IL1RAPL1: variants seen among roughly 807,000 people sequenced by gnomAD.
IL1RAPL1 encodes interleukin 1 receptor accessory protein like 1.
In IL1RAPL1, 3 loss-of-function variants were observed where a neutral mutation model predicts 48.4. The ratio of observed to expected loss-of-function variants is 0.06; its 90% CI spans 0.03 to 0.16. IL1RAPL1 has a LOEUF of 0.16. IL1RAPL1 is among the 10% of genes least tolerant of loss of function. The probability of loss-of-function intolerance (pLI) is 1.00; values close to 1 mark genes in which losing one functional copy is unlikely to be tolerated. For synonymous variants in IL1RAPL1, 185 were observed against 187.7 expected, an observed-to-expected ratio of 0.99 and a Z score of 0.12; for missense variants, 349 against 530.6, an observed-to-expected ratio of 0.66 and a Z score of 3.36.
Position 28,746,924 on chromosome X carries a change from C to T in IL1RAPL1, c.-24-42396C>T, listed in dbSNP as rs950083563. Reference sequence around the variant, plus strand: ...ATTTTGCCATTTAATTTATTTATAACGCCATTCTTTTCTTCTAATGCGTTC... The same window carrying T: ...ATTTTGCCATTTAATTTATTTATAATGCCATTCTTTTCTTCTAATGCGTTC... On this transcript the variant is annotated intron_variant, in intron 1 of 10. Transcript: ENST00000378993. Among the ~76,000 whole-genome samples, 7 of 111,103 alleles carry T rather than the reference C, an allele frequency of 6.3e-5. No homozygotes were observed. The East Asian group carries it at 1.1e-3, about 18-fold the overall frequency.
At position 28,810,290 on chromosome X, in the gene IL1RAPL1, A is replaced by G. The variant is rs184673961; in HGVS notation, c.82+20865A>G. On this transcript the variant is annotated intron_variant, in intron 2 of 10. Coordinates refer to ENST00000378993, the MANE Select transcript of IL1RAPL1 (RefSeq NM_014271.4). ...AGATATAAAAAGTAGAGGTTGCAGG[A>G]CAGAACCCTAGGATACTTCAACATT... Among the ~76,000 whole-genome samples, 12 of 110,609 alleles carry G rather than the reference A, an allele frequency of 1.1e-4. No homozygotes were observed. In the East Asian group the frequency reaches 3.4e-3, roughly 31 times the overall value.
chrX:29,899,103 G>T (rs1932447132), intron 6 of IL1RAPL1, among the ~76,000 whole-genome samples: 1 of 107,759 alleles, frequency 9.3e-6, no homozygotes. Flanking sequence ...TAATCAGTCT[G>T]TCTTAGTATT....
intron 2 of IL1RAPL1, among the ~76,000 whole-genome samples, chrX:29,046,698 T>A (rs1441917946): frequency 3.6e-5 from 4 of 111,835 alleles, no homozygotes; most frequent in African/African-American, 1.3e-4. Flanking sequence ...GCACTGTCAG[T>A]TACAGAAATT....
Position 28,780,363 on chromosome X carries a change from G to GTGTGTGTGTGTGTGTC in IL1RAPL1, c.-24-8954_-24-8953insGTGTGTGTGTGTCTGT, listed in dbSNP as rs56989010. Among the ~76,000 whole-genome samples, 67 of 91,437 alleles carry GTGTGTGTGTGTGTGTC rather than the reference G, an allele frequency of 7.3e-4. No individual in the cohort carries two copies. The East Asian group carries it at 8.0e-3, about 11-fold the overall frequency. The allele number at this position is 91,437 out of a possible 115,157, so 79.4% of individuals were successfully genotyped here. A position where few individuals can be genotyped will look rare whatever the true frequency, so the allele number is the denominator to read the frequency against. On this transcript the variant is annotated intron_variant, in intron 1 of 10. Transcript: ENST00000378993. ...TGTGTGTGTGTGTGTGTGTGTGTGTGTGTCTGTCTGTCTGTCCAGAATCTA... is the reference window on the plus strand; with the variant it reads ...TGTGTGTGTGTGTGTGTGTGTGTGTGTGTGTGTGTGTGTGTCTGTCTGTCTGTCTGTCCAGAATCTA...
intron 6 of IL1RAPL1, among the ~76,000 whole-genome samples, chrX:29,727,684 C>G (rs1199425135): frequency 9.0e-6 from 1 of 111,471 alleles, no homozygotes; most frequent in African/African-American, 3.3e-5. Context: ...CCCTCATGCG[C>G]TCATCTGAAC....
intron 2 of IL1RAPL1, among the ~76,000 whole-genome samples, chrX:28,890,922 C>T (rs1245133881): frequency 1.8e-5 from 2 of 112,124 alleles, no homozygotes; most frequent in Non-Finnish European, 3.8e-5. Context: ...GATAATACTC[C>T]TTCGTGAAAT....
chrX:29,404,926 T>C (rs759862945), intron 5 of IL1RAPL1, among the ~76,000 whole-genome samples: 12 of 111,708 alleles, frequency 1.1e-4, no homozygotes, highest in Non-Finnish European at 9.4e-5. Context: ...TGTTTTGTTT[T>C]GTTTTGAGAC....
At chrX:29,408,698 C>T in intron 5 of IL1RAPL1, among the ~76,000 whole-genome samples, 1 of 111,870 alleles carries the variant, frequency 8.9e-6, no homozygotes, top group Non-Finnish European at 1.9e-5. Flanking sequence ...ACTTCCCAAT[C>T]GACCACAGAC....
At chrX:29,126,189 CT>C (rs1928896565) in intron 2 of IL1RAPL1, among the ~76,000 whole-genome samples, 1 of 111,450 alleles carries the variant, frequency 9.0e-6, no homozygotes, top group African/African-American at 3.3e-5. Flanking sequence ...TCAAATTCAA[CT>C]TTTTTTCCAC....
chrX:29,531,150 C>T (rs779361210), intron 5 of IL1RAPL1, among the ~76,000 whole-genome samples: 130 of 107,835 alleles, frequency 1.2e-3, no homozygotes, highest in Admixed American at 2.7e-3. Context: ...TAATTTGTAC[C>T]TTGGCTTTAA....
chrX:29,074,657 A>G (rs1927633157), intron 2 of IL1RAPL1, among the ~76,000 whole-genome samples: 1 of 112,094 alleles, frequency 8.9e-6, no homozygotes, highest in Admixed American at 9.5e-5. Context: ...TAGTTCAACA[A>G]TACTGTAATT....
intron 3 of IL1RAPL1, among the ~76,000 whole-genome samples, chrX:29,319,235 A>G (rs1932784898): frequency 9.3e-6 from 1 of 107,880 alleles, no homozygotes; most frequent in African/African-American, 3.4e-5. Flanking sequence ...TCTAACAGCC[A>G]GGCTGGAGCG....
chrX:29,547,188 T>A (rs1208028833), intron 5 of IL1RAPL1, among the ~76,000 whole-genome samples: 1 of 111,884 alleles, frequency 8.9e-6, no homozygotes, highest in African/African-American at 3.2e-5. Context: ...TCAATTAAAA[T>A]TTTTTTATAA....
intron 6 of IL1RAPL1, among the ~76,000 whole-genome samples, chrX:29,782,070 ATATC>A (rs200740511): frequency 8.6e-4 from 89 of 103,525 alleles, no homozygotes; most frequent in African/African-American, 3.0e-3. Context: ...TTGTTGATCC[ATATC>A]TATCTGTCTG....
chrX:29,471,462 T>G (rs1021754425), intron 5 of IL1RAPL1, among the ~76,000 whole-genome samples: 2 of 111,107 alleles, frequency 1.8e-5, no homozygotes, highest in Admixed American at 9.6e-5. Flanking sequence ...CTGGAAGATT[T>G]AGGTGCTCAC....
Position 29,405,360 on chromosome X carries a change from C to CTTTCTTTTTTTT in IL1RAPL1, c.703+6055_703+6056insCTTTTTTTTTTT, listed in dbSNP as rs1377087452. Among the ~76,000 whole-genome samples, 5 of 99,458 alleles carry CTTTCTTTTTTTT rather than the reference C, an allele frequency of 5.0e-5. 2 individuals are homozygous for CTTTCTTTTTTTT. The highest frequency in any genetic ancestry group is 2.3e-4 in the African/African-American group (5 of 22,127). The allele number at this position is 99,458 out of a possible 115,157, so 86.4% of individuals were successfully genotyped here. On this transcript the variant is annotated intron_variant, in intron 5 of 10. Transcript: ENST00000378993. ...ATAGATATGATATTTTCTCTGTGTT[C>CTTTCTTTTTTTT]TTTATTTATTTATTTATTTTTTTTG...
intron 1 of IL1RAPL1, among the ~76,000 whole-genome samples, chrX:28,703,976 A>G (rs958216676): frequency 1.8e-5 from 2 of 111,939 alleles, no homozygotes; most frequent in African/African-American, 6.5e-5. Flanking sequence ...TATGAGTGGT[A>G]GAGGCTGTGA....
At chrX:29,731,579 G>A (rs1478082090) in intron 6 of IL1RAPL1, among the ~76,000 whole-genome samples, 1 of 111,943 alleles carries the variant, frequency 8.9e-6, no homozygotes, top group African/African-American at 3.2e-5. Context: ...CCCTGCCTTT[G>A]ACCTTTATTT....
chrX:29,334,017 C>T (rs1208947046), intron 3 of IL1RAPL1, among the ~76,000 whole-genome samples: 324 of 63,599 alleles, frequency 5.1e-3, no homozygotes, highest in East Asian at 0.022. Context: ...GCTGGCCGGG[C>T]GGGGGGCTGA....
Sources: allele counts gnomAD v4.1 joint callset (sites outside exome capture counted in the v4.1 genomes callset), GRCh38; gene constraint gnomAD v4.1.1; transcripts MANE v1.5; gene names NCBI Gene and HGNC (gene_info 2026-07-23, HGNC 2026-07-21).